NF1: variants seen among roughly 807,000 people sequenced by gnomAD.
The protein encoded by NF1 is neurofibromin.
A neutral mutation model predicts 325.7 loss-of-function variants in NF1; 122 were observed. That is an observed-to-expected ratio of 0.37 (90% CI 0.32 to 0.44). The LOEUF (loss-of-function observed/expected upper bound fraction) is 0.44, where lower values mean the gene tolerates loss of function less well. NF1 is among the 20% of genes least tolerant of loss of function. NF1 has a pLI of 1.00. For missense variants in NF1, 2,140 were observed against 3,415.4 expected, an observed-to-expected ratio of 0.63 and a Z score of 9.31; for synonymous variants, 1,091 against 1,186.0, an observed-to-expected ratio of 0.92 and a Z score of 1.65.
In NF1 at chr17:31,257,950, G is replaced by A. The variant is rs144492268; in HGVS notation, c.4174-394G>A. On this transcript the variant is annotated intron_variant, in intron 31 of 57. Transcript: ENST00000358273. ...TGTGCTGTTGAAAATTTAGTTTCACGTTATAAAGTTGACCACACTTTCATG... is the reference window on the plus strand; with the variant it reads ...TGTGCTGTTGAAAATTTAGTTTCACATTATAAAGTTGACCACACTTTCATG... Among the ~76,000 whole-genome samples the A allele has an allele frequency of 8.3e-3, 1,259 of 152,208 alleles. 10 individuals are homozygous for A. Among genetic ancestry groups the A allele is most frequent in the South Asian group, 0.014 (68 of 4,820 alleles).
chr17:31,153,352 T>C (rs1226879824), intron 1 of NF1, among the ~76,000 whole-genome samples: 1 of 152,272 alleles, frequency 6.6e-6, no homozygotes, highest in Non-Finnish European at 1.5e-5. Context: ...ATTGCCCATG[T>C]AGAGCACTAT....
In NF1 at chr17:31,182,898, A is replaced by C. The variant is rs1247903588; in HGVS notation, c.888+233A>C. 6 of 602,776 alleles carry C rather than the reference A, an allele frequency of 1.0e-5. No individual in the cohort carries two copies. In the East Asian group the frequency reaches 1.6e-4, roughly 17 times the overall value. The allele number at this position is 602,776 out of a possible 1,614,324, so 37.3% of individuals were successfully genotyped here. ...GAACAAAGATTTAAAATAATCCCTTAGTTTCATTCTTTTGTCTGAGAAGAC... is the reference window on the plus strand; with the variant it reads ...GAACAAAGATTTAAAATAATCCCTTCGTTTCATTCTTTTGTCTGAGAAGAC... On this transcript the variant is annotated intron_variant, in intron 8 of 57. Transcript: ENST00000358273.
At chr17:31,297,600 T>A (rs1388670347) in intron 36 of NF1, 2 of 152,172 alleles carry the variant, frequency 1.3e-5, no homozygotes, top group East Asian at 3.8e-4. Context: ...GAAAATAAAT[T>A]TGACCTTCCT....
At chr17:31,274,723 T>G (rs2067968943) in intron 36 of NF1, among the ~76,000 whole-genome samples, 1 of 102,556 alleles carries the variant, frequency 9.8e-6, no homozygotes, top group South Asian at 4.0e-4. Context: ...TTGGGGGGTA[T>G]ATAGTTGGTA....
chr17:31,151,044 A>G (rs1567812186), intron 1 of NF1, among the ~76,000 whole-genome samples: 1 of 43,924 alleles, frequency 2.3e-5, no homozygotes, highest in Admixed American at 2.7e-4. Context: ...CAAAAAAAAA[A>G]TAAATAAATA....
At chr17:31,126,251 A>G (rs1247550611) in intron 1 of NF1, among the ~76,000 whole-genome samples, 1 of 152,160 alleles carries the variant, frequency 6.6e-6, no homozygotes, top group Non-Finnish European at 1.5e-5. Flanking sequence ...TGTAATTTGA[A>G]TCTGTATTTC....
chr17:31,347,055 A>AC (rs1167039578), intron 48 of NF1, among the ~76,000 whole-genome samples: 1 of 151,344 alleles, frequency 6.6e-6, no homozygotes, highest in African/African-American at 2.4e-5. Flanking sequence ...AGTCTTGGGA[A>AC]CCCCCTAAAG....
intron 47 of NF1, among the ~76,000 whole-genome samples, chr17:31,341,279 C>T (rs1567619456): frequency 6.6e-6 from 1 of 152,082 alleles, no homozygotes; most frequent in East Asian, 1.9e-4. Flanking sequence ...AGTCCCAGCA[C>T]TTTGGGAGGC....
chr17:31,177,444 A>C (rs1220844318), intron 5 of NF1, among the ~76,000 whole-genome samples: 1 of 147,244 alleles, frequency 6.8e-6, no homozygotes. Flanking sequence ...TGAAAAAAAA[A>C]CGAGCACGCC....
chr17:31,367,606 T>A (rs1294688847), intron 57 of NF1, among the ~76,000 whole-genome samples: 1 of 152,132 alleles, frequency 6.6e-6, no homozygotes, highest in Non-Finnish European at 1.5e-5. Context: ...TTGATGAAGT[T>A]TTTTTAGCTT....
intron 1 of NF1, chr17:31,128,502 C>G (rs9909078): frequency 2.0e-5 from 3 of 151,978 alleles, no homozygotes; most frequent in Non-Finnish European, 2.9e-5. Context: ...CAGGAGCTCT[C>G]GTAAGGTAGG....
intron 11 of NF1, among the ~76,000 whole-genome samples, chr17:31,205,528 A>C (rs917666296): frequency 3.3e-5 from 5 of 152,180 alleles, no homozygotes; most frequent in African/African-American, 9.6e-5. Context: ...TACACTTCCA[A>C]ATAAAATAGG....
chr17:31,251,015 G>A (rs2067484755), intron 30 of NF1: 3 of 193,898 alleles, frequency 1.5e-5, no homozygotes, highest in African/African-American at 7.0e-5. Flanking sequence ...TATTAAATAA[G>A]GCTTTATTTT....
At chr17:31,300,725 A>G (rs931959168) in intron 36 of NF1, among the ~76,000 whole-genome samples, 2 of 152,134 alleles carry the variant, frequency 1.3e-5, no homozygotes, top group African/African-American at 2.4e-5. Context: ...AGACATTACT[A>G]AATTCCTCTC....
At chr17:31,169,844 C>A in intron 4 of NF1, 47 bp from the exon 5 acceptor site, 1 of 1,311,710 alleles carries the variant, frequency 7.6e-7, no homozygotes, top group Non-Finnish European at 1.1e-6. Context: ...CCACACCTGT[C>A]CCCTAATACT....
intron 1 of NF1, among the ~76,000 whole-genome samples, chr17:31,105,099 T>TA (rs1912734520): frequency 1.3e-5 from 2 of 152,104 alleles, no homozygotes; most frequent in East Asian, 1.9e-4. Flanking sequence ...AGTGTCTTGT[T>TA]ATGTTGCCCA....
At position 31,338,765 on chromosome 17, in the gene NF1, C is replaced by T. The variant is rs786201902; in HGVS notation, c.6881C>T (p.Thr2294Ile). Residue 2294 changes from threonine (T) to isoleucine (I), a missense_variant, in exon 46 of 58, where the codon ACA becomes ATA. Thr to Ile is a moderately conservative substitution (Grantham distance 89). Transcript: ENST00000358273. ...TYNSQVLIEATVIALTKLQPL... is the reference protein window; with the variant it reads ...TYNSQVLIEAIVIALTKLQPL... ...AACAGTCAAGTTCTGATAGAAGCTA[C>T]AGTAATAGCACTAACCAAATTACAG... 1 of 1,613,232 alleles carries T rather than the reference C, an allele frequency of 6.2e-7. No individual in the cohort carries two copies. Among genetic ancestry groups the T allele is most frequent in the Non-Finnish European group, 8.5e-7 (1 of 1,179,412 alleles).
intron 4 of NF1, among the ~76,000 whole-genome samples, chr17:31,168,645 G>A (rs1379404041): frequency 2.0e-5 from 3 of 152,052 alleles, no homozygotes. Flanking sequence ...TTGGCTGGGG[G>A]GGGACAAGAA....
In NF1 at chr17:31,182,672, A is replaced by G; in HGVS notation, c.888+7A>G. On this transcript the variant is annotated splice_region_variant and intron_variant, in intron 8 of 57. Transcript: ENST00000358273. Reference sequence around the variant, plus strand: ...TGAAAACAACATGAATAAGGTAAGGAGGGCAAAATTATTTCCATTATATCT... The same window carrying G: ...TGAAAACAACATGAATAAGGTAAGGGGGGCAAAATTATTTCCATTATATCT... 1 of 1,611,782 alleles carries G rather than the reference A, an allele frequency of 6.2e-7. No homozygotes were observed. Among genetic ancestry groups the G allele is most frequent in the Non-Finnish European group, 8.5e-7 (1 of 1,179,026 alleles).
Sources: allele counts gnomAD v4.1 joint callset (sites outside exome capture counted in the v4.1 genomes callset), GRCh38; gene constraint gnomAD v4.1.1; transcripts MANE v1.5; gene names NCBI Gene and HGNC (gene_info 2026-07-23, HGNC 2026-07-21).